The following TDRD5 variants were observed in gnomAD, a reference collection of about 807,000 sequenced individuals.
The protein encoded by TDRD5 is tudor domain-containing protein 5.
TDRD5 carries 41 observed loss-of-function variants against 120.6 expected under a neutral mutation model. The observed-to-expected ratio is 0.34, with a 90% confidence interval of 0.26 to 0.44. TDRD5 has a LOEUF of 0.44. Ranked by LOEUF, TDRD5 falls within the 20% of genes least tolerant of loss-of-function variation. The pLI is 1.00. For missense variants in TDRD5, 1,006 were observed against 1,221.2 expected (o/e 0.82, Z 2.63); for synonymous variants, 430 against 433.7 (o/e 0.99, Z 0.11).
At chr1:179,595,851 C>T (rs767246127) in intron 4 of TDRD5, 33 bp downstream of exon 4, 63 of 1,551,578 alleles carry the variant, frequency 4.1e-5, no homozygotes, top group Admixed American at 1.4e-4. Flanking sequence ...TATAAATATA[C>T]GATGTTTTTA....
At chr1:179,592,377 G>T (rs542642769) in intron 1 of TDRD5, 5 of 478,718 alleles carry the variant, frequency 1.0e-5, no homozygotes, top group Non-Finnish European at 1.9e-5. Context: ...CCTCCGCATG[G>T]CCAGGGGCAG....
intron 4 of TDRD5, among the ~76,000 whole-genome samples, chr1:179,607,841 G>A (rs1292338161): frequency 6.6e-6 from 1 of 151,688 alleles, no homozygotes; most frequent in East Asian, 1.9e-4. Context: ...AATTTTAAGA[G>A]ATTAAAAATG....
chr1:179,637,666 G>A (rs2102019580), intron 9 of TDRD5, among the ~76,000 whole-genome samples: 1 of 151,340 alleles, frequency 6.6e-6, no homozygotes, highest in East Asian at 1.9e-4. Flanking sequence ...AGTGAGTCAT[G>A]ATTGTGCTAC....
At chr1:179,614,564 A>T (rs1458181939) in intron 4 of TDRD5, among the ~76,000 whole-genome samples, 1 of 152,104 alleles carries the variant, frequency 6.6e-6, no homozygotes, top group Non-Finnish European at 1.5e-5. Flanking sequence ...GTATGTGGCT[A>T]GGTTGTCATC....
At chr1:179,650,699 A>G (rs773759417) in intron 11 of TDRD5, among the ~76,000 whole-genome samples, 168 bp from the exon 12 acceptor site, 13 of 151,904 alleles carry the variant, frequency 8.6e-5, no homozygotes, top group Non-Finnish European at 1.9e-4. Flanking sequence ...CTTTATTCTG[A>G]CTTTTCTCAT....
intron 4 of TDRD5, among the ~76,000 whole-genome samples, chr1:179,615,255 G>T (rs1168811986): frequency 6.6e-6 from 1 of 152,140 alleles, no homozygotes; most frequent in Non-Finnish European, 1.5e-5. Flanking sequence ...TTAATACGGT[G>T]TACAGCACAT....
At chr1:179,663,663 A>G (rs1338130400) in intron 16 of TDRD5, among the ~76,000 whole-genome samples, 172 bp downstream of exon 16, 6 of 152,202 alleles carry the variant, frequency 3.9e-5, no homozygotes, top group Non-Finnish European at 1.5e-5. Context: ...TACTAGAGTT[A>G]TGAGTGGATT....
intron 13 of TDRD5, 44 bp downstream of exon 13, chr1:179,652,241 G>C: frequency 6.6e-7 from 1 of 1,518,708 alleles, no homozygotes; most frequent in Middle Eastern, 1.9e-4. Flanking sequence ...TTTTATTACT[G>C]TAATCCTCAT....
chr1:179,632,479 A>G (rs934095869), intron 7 of TDRD5, among the ~76,000 whole-genome samples: 10 of 151,886 alleles, frequency 6.6e-5, no homozygotes, highest in Admixed American at 1.3e-4. Flanking sequence ...GAATATATAT[A>G]AACAGCACAG....
At chr1:179,637,307 C>T (rs952490579) in intron 9 of TDRD5, among the ~76,000 whole-genome samples, 1 of 152,180 alleles carries the variant, frequency 6.6e-6, no homozygotes, top group South Asian at 2.1e-4. Flanking sequence ...AAAGCACACT[C>T]ACTGGCTCTC....
rs16854446 is a variant in TDRD5, at chr1:179,654,294, A to G, written c.2254A>G (p.Asn752Asp). 2,855 of 1,549,954 alleles carry G rather than the reference A, an allele frequency of 1.8e-3. 48 individuals carry two copies. In the African/African-American group the frequency reaches 0.034, roughly 18 times the overall value. ...TGAATTTGAGTCTTTGAAAACCTGT[A>G]ATAAGAGCTTTGAAGAAGATCCAAA... The part of the protein sequence containing the change: ...DSEFESLKTC[N>D]KSFEEDPKWS... The change falls in exon 14 of 18, where the codon AAT becomes GAT. Residue 752 changes from asparagine (N) to aspartate (D), a missense_variant. By Grantham distance (23) the Asn-to-Asp change is conservative (BLOSUM62 1). Coordinates refer to ENST00000444136, the MANE Select transcript of TDRD5 (RefSeq NM_001199085.3).
intron 14 of TDRD5, among the ~76,000 whole-genome samples, chr1:179,659,214 CTGT>C (rs1238098730): frequency 6.6e-6 from 1 of 152,118 alleles, no homozygotes; most frequent in Non-Finnish European, 1.5e-5. Context: ...AACATGTATT[CTGT>C]TGTTTGGTGG....
intron 4 of TDRD5, among the ~76,000 whole-genome samples, chr1:179,616,860 G>C (rs1189889386): frequency 2.0e-5 from 3 of 152,076 alleles, no homozygotes; most frequent in Non-Finnish European, 4.4e-5. Flanking sequence ...TTAATTTTAA[G>C]TGCCCTGAGA....
At chr1:179,667,583 TTTAC>T (rs1224171612) in intron 16 of TDRD5, among the ~76,000 whole-genome samples, 3 of 152,192 alleles carry the variant, frequency 2.0e-5, no homozygotes, top group African/African-American at 7.2e-5. Context: ...TTAATATTGA[TTTAC>T]TTATTATTGC....
intron 4 of TDRD5, among the ~76,000 whole-genome samples, chr1:179,607,842 A>C (rs1370116886): frequency 6.6e-6 from 1 of 151,914 alleles, no homozygotes; most frequent in African/African-American, 2.4e-5. Flanking sequence ...ATTTTAAGAG[A>C]TTAAAAATGA....
intron 6 of TDRD5, among the ~76,000 whole-genome samples, chr1:179,629,957 A>G (rs1228897202): frequency 6.6e-6 from 1 of 151,430 alleles, no homozygotes; most frequent in Admixed American, 6.6e-5. Flanking sequence ...ATACACCGAT[A>G]GATAGCTGCT....
At position 179,618,668 on chromosome 1, in the gene TDRD5, CATAAG is replaced by C; in HGVS notation, c.906_910del (p.Lys304CysfsTer4). ...AGGAACTATCAGTTCAGAACTAAAA[CATAAG>C]ATAAAATTTGTAAGTAATTTCTGTT... On this transcript the variant is annotated frameshift_variant, in exon 5 of 18. Coordinates refer to ENST00000444136, the MANE Select transcript of TDRD5 (RefSeq NM_001199085.3). LOFTEE classifies it high-confidence loss of function. 1 of 1,581,162 alleles carries C rather than the reference CATAAG, an allele frequency of 6.3e-7. No individual in the cohort carries two copies. Among genetic ancestry groups the C allele is most frequent in the South Asian group, 1.2e-5 (1 of 83,492 alleles).
At chr1:179,650,808 G>A (rs1319576259) in intron 11 of TDRD5, 59 bp from the exon 12 acceptor site, 116 of 1,545,354 alleles carry the variant, frequency 7.5e-5, no homozygotes, top group Non-Finnish European at 1.0e-4. Context: ...GTTGTATATG[G>A]TTATTATAAT....
At chr1:179,687,883 T>TGC (rs1277537167) in intron 17 of TDRD5, among the ~76,000 whole-genome samples, 3 of 151,520 alleles carry the variant, frequency 2.0e-5, no homozygotes, top group Non-Finnish European at 4.4e-5. Context: ...TTTTTTTTTT[T>TGC]TTCCATTTGC....
Sources: allele counts gnomAD v4.1 joint callset (sites outside exome capture counted in the v4.1 genomes callset), GRCh38; gene constraint gnomAD v4.1.1; transcripts MANE v1.5; gene names NCBI Gene and HGNC (gene_info 2026-07-23, HGNC 2026-07-21).